Variants in FCAR observed in about 807,000 individuals in gnomAD.
FCAR encodes the protein Fc alpha receptor.
In FCAR, 21 loss-of-function variants were observed where a neutral mutation model predicts 27.1. The ratio of observed to expected loss-of-function variants is 0.77; its 90% CI spans 0.55 to 1.11. The LOEUF (loss-of-function observed/expected upper bound fraction) is 1.11, where lower values mean the gene tolerates loss of function less well. Ranked by LOEUF, FCAR falls within the 50% of genes most tolerant of loss-of-function variation. FCAR has a pLI of 0.00. For synonymous variants in FCAR, 134 were observed against 135.8 expected, an observed-to-expected ratio of 0.99 and a Z score of 0.09; for missense variants, 404 against 358.4, an observed-to-expected ratio of 1.13 and a Z score of -1.03.
intron 2 of FCAR, among the ~76,000 whole-genome samples, chr19:54,875,928 T>C (rs1329765328): frequency 6.6e-6 from 1 of 152,202 alleles, no homozygotes; most frequent in Non-Finnish European, 1.5e-5. Context: ...CTGAATTATT[T>C]GTGTGTTGAA....
chr19:54,876,692 T>G (rs1186597181), intron 2 of FCAR, among the ~76,000 whole-genome samples: 1 of 141,878 alleles, frequency 7.0e-6, no homozygotes, highest in African/African-American at 2.7e-5. Context: ...AGCCAAGGCT[T>G]GTGGATCATG....
intron 2 of FCAR, among the ~76,000 whole-genome samples, chr19:54,878,753 T>A (rs2066242694): frequency 8.2e-6 from 1 of 121,882 alleles, no homozygotes; most frequent in African/African-American, 2.9e-5. Context: ...GCTCCTGCAT[T>A]TTTTTTTTTT....
chr19:54,886,643 C>T (rs1196654269), intron 3 of FCAR, among the ~76,000 whole-genome samples: 1 of 152,072 alleles, frequency 6.6e-6, no homozygotes. Context: ...AGCCACCGCA[C>T]CTGGCCTCCC....
intron 2 of FCAR, among the ~76,000 whole-genome samples, chr19:54,883,521 CT>C (rs1282011741): frequency 6.6e-6 from 1 of 152,190 alleles, no homozygotes; most frequent in Non-Finnish European, 1.5e-5. Flanking sequence ...CCTCTGCAGG[CT>C]GATGAAATCA....
In FCAR at chr19:54,885,516, G is replaced by C. The variant is rs767431914; in HGVS notation, c.352G>C (p.Val118Leu). ...RFRYSDTLELVVTGLYGKPFL... is the reference protein window; with the variant it reads ...RFRYSDTLELLVTGLYGKPFL... ...CCGGTACAGTGACACCCTGGAGCTGGTAGTGACAGGTAAGGAAACATCCAG... is the reference window on the plus strand; with the variant it reads ...CCGGTACAGTGACACCCTGGAGCTGCTAGTGACAGGTAAGGAAACATCCAG... Residue 118 changes from valine to leucine, a missense_variant, in exon 3 of 5, where the codon GTA (valine) becomes CTA (leucine). Coordinates refer to ENST00000355524, the MANE Select transcript of FCAR (RefSeq NM_002000.4). The C allele has an allele frequency of 4.3e-6, 7 of 1,609,410 alleles. No individual in the cohort carries two copies. The highest frequency in any genetic ancestry group is 6.0e-6 in the Non-Finnish European group (7 of 1,175,768).
At position 54,889,805 on chromosome 19, in the gene FCAR, G is replaced by T. The variant is rs1014016859; in HGVS notation, c.806G>T (p.Ser269Ile). ...ASADVAEPSWSQQMCQPGLTF... is the reference protein window; with the variant it reads ...ASADVAEPSWIQQMCQPGLTF... ...GCAGATGTGGCTGAACCGAGCTGGA[G>T]CCAACAGATGTGTCAGCCAGGATTG... The change falls in exon 5 of 5, where the codon AGC (serine) becomes ATC (isoleucine). Residue 269 changes from serine to isoleucine, a missense_variant. Ser to Ile is a moderately radical substitution (Grantham distance 142, BLOSUM62 -2). Coordinates refer to ENST00000355524, the MANE Select transcript of FCAR (RefSeq NM_002000.4). 3 of 1,611,576 alleles carry T rather than the reference G, an allele frequency of 1.9e-6. No homozygotes were observed. In the African/African-American group the frequency reaches 4.0e-5, roughly 22 times the overall value.
At chr19:54,884,944 C>T (rs1185305254) in intron 2 of FCAR, among the ~76,000 whole-genome samples, 1 of 151,972 alleles carries the variant, frequency 6.6e-6, no homozygotes. Context: ...GTAGCTGGGA[C>T]TACACGCGCC....
At chr19:54,879,511 T>C (rs145682634) in intron 2 of FCAR, among the ~76,000 whole-genome samples, 59 of 152,284 alleles carry the variant, frequency 3.9e-4, no homozygotes, top group African/African-American at 1.3e-3. Context: ...GAAACTTAGT[T>C]TGGCTGGGAA....
chr19:54,886,588 G>A (rs1257603830), intron 3 of FCAR, among the ~76,000 whole-genome samples: 2 of 151,978 alleles, frequency 1.3e-5, no homozygotes, highest in South Asian at 2.1e-4. Flanking sequence ...TTACTGGCGT[G>A]AGCCACCACG....
At chr19:54,881,613 C>T (rs7248382) in intron 2 of FCAR, among the ~76,000 whole-genome samples, 74,550 of 151,808 alleles carry the variant, frequency 0.49, 19,278 homozygotes, top group Non-Finnish European at 0.57. Context: ...GGACTCACGC[C>T]CGGAATCCCA....
Position 54,887,998 on chromosome 19 carries a change from C to G in FCAR, c.362-9C>G. ...GGTCTTTCTAATAGCTCACTCTTTT[C>G]TCTCTTAGGCTTGTATGGCAAACCC... On this transcript the variant is annotated splice_polypyrimidine_tract_variant and intron_variant, in intron 3 of 4. Coordinates refer to ENST00000355524, the MANE Select transcript of FCAR (RefSeq NM_002000.4). The G allele has an allele frequency of 6.3e-7, 1 of 1,588,158 alleles. No individual in the cohort carries two copies. The highest frequency in any genetic ancestry group is 8.6e-7 in the Non-Finnish European group (1 of 1,165,198).
At chr19:54,881,283 C>G (rs1304536392) in intron 2 of FCAR, among the ~76,000 whole-genome samples, 1 of 152,104 alleles carries the variant, frequency 6.6e-6, no homozygotes, top group East Asian at 1.9e-4. Context: ...GGCCTCTTCT[C>G]CTTAGGGCAG....
At chr19:54,877,016 G>C (rs1254184955) in intron 2 of FCAR, among the ~76,000 whole-genome samples, 2 of 152,172 alleles carry the variant, frequency 1.3e-5, no homozygotes, top group Non-Finnish European at 2.9e-5. Flanking sequence ...TTTTGTTGAG[G>C]ATTTTTGCAT....
At chr19:54,882,521 C>T (rs1458018268) in intron 2 of FCAR, among the ~76,000 whole-genome samples, 1 of 151,488 alleles carries the variant, frequency 6.6e-6, no homozygotes, top group African/African-American at 2.4e-5. Flanking sequence ...CTGCTGCAAC[C>T]TTCACCTCCC....
chr19:54,889,906 C>A lies in FCAR; in HGVS notation c.*43C>A. 1 of 1,379,798 alleles carries A rather than the reference C, an allele frequency of 7.2e-7. No homozygotes were observed. The highest frequency in any genetic ancestry group is 1.0e-6 in the Non-Finnish European group (1 of 984,364). The allele number at this position is 1,379,798 out of a possible 1,614,324, so 85.5% of individuals were successfully genotyped here. On this transcript the variant is annotated 3_prime_UTR_variant, in exon 5 of 5. Coordinates refer to ENST00000355524, the MANE Select transcript of FCAR (RefSeq NM_002000.4). ...CAGAGAGGAGCCAGGACTGTGGAGT[C>A]CGACAAAGCTACTTGAAGGACACAA...
chr19:54,875,809 T>C (rs587666950), intron 2 of FCAR, among the ~76,000 whole-genome samples: 1 of 152,360 alleles, frequency 6.6e-6, no homozygotes, highest in African/African-American at 2.4e-5. Flanking sequence ...GAGGCAGTCT[T>C]AGTGTACTAC....
rs1479722897 is a variant in FCAR at position 54,890,114 on chromosome 19, C to T, written c.*251C>T. ...AATTACAGGCACATACCACTGCACC[C>T]AGCTAATTTTTGTATTTTTAGTAGA... On this transcript the variant is annotated 3_prime_UTR_variant, in exon 5 of 5. Transcript: ENST00000355524. 1.9e-6 allele frequency: 1 copy of T among 530,708 alleles called. No individual in the cohort carries two copies. The highest frequency in any genetic ancestry group is 5.0e-4 in the Middle Eastern group (1 of 2,018). 32.9% of individuals were successfully genotyped at this position (530,708 alleles called of 1,614,324 possible). A position where few individuals can be genotyped will look rare whatever the true frequency, so the allele number is the denominator to read the frequency against.
At chr19:54,883,816 G>A (rs150670083) in intron 2 of FCAR, among the ~76,000 whole-genome samples, 6,092 of 152,144 alleles carry the variant, frequency 0.04, 162 homozygotes, top group Middle Eastern at 0.11. Context: ...AATTAGCCAG[G>A]CGTGGTGGCG....
chr19:54,875,312 T>G lies in FCAR; in HGVS notation c.35-18T>G. On this transcript the variant is annotated intron_variant, in intron 1 of 4. Coordinates refer to ENST00000355524, the MANE Select transcript of FCAR (RefSeq NM_002000.4). Reference sequence around the variant, plus strand: ...TTGGAAATGGAAGCTTGATTTTTCATAAATCTCTCTCTTCCAGTGCTCTGT... The same window carrying G: ...TTGGAAATGGAAGCTTGATTTTTCAGAAATCTCTCTCTTCCAGTGCTCTGT... 1.9e-6 allele frequency: 3 copies of G among 1,612,340 alleles called. No individual in the cohort carries two copies. The highest frequency in any genetic ancestry group is 2.5e-6 in the Non-Finnish European group (3 of 1,178,930).
Sources: gnomAD v4.1 joint callset for allele counts (sites outside exome capture counted in the v4.1 genomes callset) on GRCh38, gnomAD v4.1.1 for gene constraint, MANE v1.5 for transcripts, NCBI Gene and HGNC (gene_info 2026-07-23, HGNC 2026-07-21) for gene names.